The following PLB1 variants were observed in gnomAD, a reference collection of about 807,000 sequenced individuals.
The protein encoded by PLB1 is phospholipase B1.
A neutral mutation model predicts 227.4 loss-of-function variants in PLB1; 242 were observed. The ratio of observed to expected loss-of-function variants is 1.06; its 90% CI spans 0.96 to 1.18. PLB1 has a LOEUF of 1.18. PLB1 is among the 50% of genes most tolerant of loss of function. PLB1 has a pLI of 0.00. For synonymous variants in PLB1, 757 were observed against 682.2 expected, an observed-to-expected ratio of 1.11 and a Z score of -1.71; for missense variants, 1,858 against 1,816.3, an observed-to-expected ratio of 1.02 and a Z score of -0.42.
chr2:28,633,091 T>C, intron 56 of PLB1, 52 bp downstream of exon 56: 1 of 1,487,032 alleles, frequency 6.7e-7, no homozygotes, highest in Non-Finnish European at 9.3e-7. Context: ...CTAAGGATAT[T>C]GACACTCTGT....
At chr2:28,581,133 G>A (rs1679860322) in intron 23 of PLB1, among the ~76,000 whole-genome samples, 2 of 152,166 alleles carry the variant, frequency 1.3e-5, no homozygotes, top group South Asian at 4.1e-4. Context: ...ATCAGAGAAA[G>A]AGTTCCACTG....
At chr2:28,527,188 A>G (rs1670379581) in intron 6 of PLB1, among the ~76,000 whole-genome samples, 1 of 152,102 alleles carries the variant, frequency 6.6e-6, no homozygotes, top group Non-Finnish European at 1.5e-5. Flanking sequence ...AGTTCGTCTC[A>G]ATTTTTCCTC....
In PLB1 at chr2:28,617,705, A is replaced by T. The variant is rs368948450; in HGVS notation, c.3196-22A>T. ...CTGCACAATGAGTGTTGGGCACTGA[A>T]TCTTTTCTCCTGTTGATTTAGAACT... is the stretch of plus-strand genomic sequence containing the variant. On this transcript the variant is annotated intron_variant, in intron 44 of 57. Coordinates refer to ENST00000327757, the MANE Select transcript of PLB1 (RefSeq NM_153021.5). 2.0e-4 allele frequency: 323 copies of T among 1,612,884 alleles called. 1 individual carries two copies. Among genetic ancestry groups the T allele is most frequent in the Non-Finnish European group, 2.6e-4 (305 of 1,179,012 alleles).
rs1302012076 is a variant in PLB1 at position 28,496,142 on chromosome 2, C to T, written c.28C>T (p.Leu10=). The change falls in exon 1 of 58, where the codon CTG becomes TTG. Residue 10 remains leucine, a synonymous_variant. Transcript: ENST00000327757. ...GGGGCTGCGGCCAGGCATTTTCCTCCTGGAGCTGCTGCTGCTTCTGGGGCA... is the reference window on the plus strand; with the variant it reads ...GGGGCTGCGGCCAGGCATTTTCCTCTTGGAGCTGCTGCTGCTTCTGGGGCA... MGLRPGIFL[L]ELLLLLGQGT... The T allele has an allele frequency of 6.2e-7, 1 of 1,614,106 alleles. No homozygotes were observed. Among genetic ancestry groups the T allele is most frequent in the African/African-American group, 1.3e-5 (1 of 75,056 alleles).
intron 6 of PLB1, 144 bp from the exon 7 acceptor site, chr2:28,529,173 G>A: frequency 3.2e-6 from 2 of 616,204 alleles, no homozygotes; most frequent in Non-Finnish European, 5.7e-6. Context: ...TCAAACTCTT[G>A]GGCTCAAGTG....
chr2:28,564,402 CTT>C (rs1246454031), intron 18 of PLB1, among the ~76,000 whole-genome samples: 1 of 152,210 alleles, frequency 6.6e-6, no homozygotes, highest in African/African-American at 2.4e-5. Flanking sequence ...CTCAGCCACT[CTT>C]TACCCCAAAG....
chr2:28,536,697 T>C (rs1191584956), intron 9 of PLB1, among the ~76,000 whole-genome samples: 2 of 152,230 alleles, frequency 1.3e-5, no homozygotes, highest in Non-Finnish European at 2.9e-5. Flanking sequence ...CAAGTTCATT[T>C]GAAGAAATCA....
At chr2:28,585,882 G>A (rs777383892) in intron 26 of PLB1, 40 bp downstream of exon 26, 6 of 1,501,632 alleles carry the variant, frequency 4.0e-6, no homozygotes, top group Admixed American at 3.3e-5. Context: ...CAGAACTGCT[G>A]TGTGATTCGA....
chr2:28,562,521 A>T, intron 17 of PLB1, among the ~76,000 whole-genome samples: 1 of 94,782 alleles, frequency 1.1e-5, no homozygotes, highest in Non-Finnish European at 2.1e-5. Context: ...CAGCCTGGAG[A>T]CAGAGCAAGA....
chr2:28,585,314 T>A (rs1367130800), intron 25 of PLB1, among the ~76,000 whole-genome samples: 1 of 152,042 alleles, frequency 6.6e-6, no homozygotes, highest in East Asian at 1.9e-4. Context: ...CTCGCTCTGT[T>A]GCCCAGGCTG....
intron 22 of PLB1, 113 bp from the exon 23 acceptor site, chr2:28,579,514 A>G (rs566200703): frequency 3.1e-5 from 24 of 766,716 alleles, no homozygotes; most frequent in South Asian, 2.6e-4. Context: ...TCAGAAGTCC[A>G]TGAGACACTC....
chr2:28,555,065 G>C (rs1426851587), intron 17 of PLB1, among the ~76,000 whole-genome samples: 1 of 151,356 alleles, frequency 6.6e-6, no homozygotes, highest in African/African-American at 2.4e-5. Flanking sequence ...GTCTCACCTG[G>C]AAAGTGTCAT....
At chr2:28,579,067 TG>T (rs1275630253) in intron 22 of PLB1, among the ~76,000 whole-genome samples, 1 of 152,116 alleles carries the variant, frequency 6.6e-6, no homozygotes, top group Non-Finnish European at 1.5e-5. Flanking sequence ...ATCCCAGAGG[TG>T]GCAAAATCTT....
At chr2:28,546,311 A>C (rs1307239349) in intron 14 of PLB1, among the ~76,000 whole-genome samples, 2 of 132,348 alleles carry the variant, frequency 1.5e-5, no homozygotes, top group Non-Finnish European at 3.4e-5. Context: ...CCTCTCAGCA[A>C]TCACTGACCC....
Position 28,592,735 on chromosome 2 carries a change from C to T in PLB1, c.2247+16C>T, listed in dbSNP as rs778437273. 1.9e-6 allele frequency: 3 copies of T among 1,613,158 alleles called. No homozygotes were observed. The highest frequency in any genetic ancestry group is 1.7e-4 in the Middle Eastern group (1 of 6,058). On this transcript the variant is annotated intron_variant, in intron 32 of 57. Transcript: ENST00000327757. ...TTCTCTGACCGTAAGGACTCTTGGG[C>T]CCCAGGTGGTTTGGGGATAACTAGG...
intron 4 of PLB1, among the ~76,000 whole-genome samples, chr2:28,521,505 G>A (rs72788705): frequency 0.085 from 12,932 of 152,194 alleles, 662 homozygotes; most frequent in East Asian, 0.21. Flanking sequence ...ATGGGTATGA[G>A]GTGATGTCTC....
intron 18 of PLB1, 79 bp downstream of exon 18, chr2:28,563,178 GAGA>G: frequency 7.0e-7 from 1 of 1,432,868 alleles, no homozygotes; most frequent in African/African-American, 1.4e-5. Flanking sequence ...AAAATGGAGA[GAGA>G]AGGTCTCACG....
intron 20 of PLB1, among the ~76,000 whole-genome samples, chr2:28,568,504 G>A (rs1677444526): frequency 6.6e-6 from 1 of 152,204 alleles, no homozygotes; most frequent in African/African-American, 2.4e-5. Context: ...AATCCAGGGG[G>A]AAGTAACTAT....
At chr2:28,543,108 C>T (rs564994894) in intron 13 of PLB1, 104 bp from the exon 14 acceptor site, 2 of 1,249,472 alleles carry the variant, frequency 1.6e-6, no homozygotes, top group Non-Finnish European at 2.3e-6. Flanking sequence ...CTGGACAGAT[C>T]AGGCTGCCCC....
Sources: allele counts gnomAD v4.1 joint callset (sites outside exome capture counted in the v4.1 genomes callset), GRCh38; gene constraint gnomAD v4.1.1; transcripts MANE v1.5; gene names NCBI Gene and HGNC (gene_info 2026-07-23, HGNC 2026-07-21).